USP48: variants seen among roughly 807,000 people sequenced by gnomAD.
The protein encoded by USP48 is ubiquitin specific peptidase 48, also known as ubiquitin carboxyl-terminal hydrolase 48.
Under a neutral mutation model 150.7 loss-of-function variants are expected in USP48, and 43 were observed. That is an observed-to-expected ratio of 0.29 (90% CI 0.22 to 0.37). The LOEUF is 0.37. Ranked by LOEUF, USP48 falls within the 10% of genes least tolerant of loss-of-function variation. The pLI, the probability that USP48 is intolerant of heterozygous loss-of-function variation, is 1.00. For missense variants in USP48, 813 were observed against 1,249.6 expected, an observed-to-expected ratio of 0.65 and a Z score of 5.27; for synonymous variants, 396 against 425.9, an observed-to-expected ratio of 0.93 and a Z score of 0.86.
intron 21 of USP48, 53 bp downstream of exon 21, chr1:21,703,459 G>T: frequency 6.9e-7 from 1 of 1,445,350 alleles, no homozygotes; most frequent in African/African-American, 1.4e-5. Flanking sequence ...AGCAAATCAA[G>T]CCAAAGAGCA....
chr1:21,779,313 G>C (rs1205687838), intron 1 of USP48, among the ~76,000 whole-genome samples: 1 of 152,070 alleles, frequency 6.6e-6, no homozygotes, highest in Non-Finnish European at 1.5e-5. Context: ...GGGAGGCCGA[G>C]GTAGGTGGAT....
At chr1:21,707,107 T>A (rs1480454824) in intron 15 of USP48, among the ~76,000 whole-genome samples, 2 of 152,022 alleles carry the variant, frequency 1.3e-5, no homozygotes, top group Non-Finnish European at 2.9e-5. Flanking sequence ...GGTCTGTGAT[T>A]GAAAAAAAAA....
At chr1:21,695,265 C>A in intron 22 of USP48, 44 bp from the exon 23 acceptor site, 1 of 1,530,732 alleles carries the variant, frequency 6.5e-7, no homozygotes. Context: ...AAATTAACCA[C>A]AATGTGACCC....
chr1:21,732,551 CAT>C (rs1430111292), intron 9 of USP48: 1 of 166,536 alleles, frequency 6.0e-6, no homozygotes, highest in Non-Finnish European at 1.3e-5. Flanking sequence ...AAATTTATAA[CAT>C]ACTTTCATGA....
At chr1:21,746,169 T>C (rs2097794065) in intron 8 of USP48, among the ~76,000 whole-genome samples, 1 of 152,216 alleles carries the variant, frequency 6.6e-6, no homozygotes, top group South Asian at 2.1e-4. Flanking sequence ...TTTTTATTTT[T>C]TTGGAAAGAG....
chr1:21,679,189 C>T lies in USP48; in HGVS notation c.*228G>A. The T allele has an allele frequency of 2.0e-6, 1 of 507,616 alleles. No homozygotes were observed. Among genetic ancestry groups the T allele is most frequent in the Non-Finnish European group, 3.6e-6 (1 of 281,022 alleles). 31.4% of individuals were successfully genotyped at this position (507,616 alleles called of 1,614,324 possible). A position where few individuals can be genotyped will look rare whatever the true frequency, so the allele number is the denominator to read the frequency against. ...ACTTGCCCCCTCCCACCCACCACCCCCCTTAAATATAAAATTGGAAACATT... is the reference window on the plus strand; with the variant it reads ...ACTTGCCCCCTCCCACCCACCACCCTCCTTAAATATAAAATTGGAAACATT... On this transcript the variant is annotated 3_prime_UTR_variant, in exon 27 of 27. Transcript: ENST00000308271.
intron 1 of USP48, among the ~76,000 whole-genome samples, chr1:21,770,214 C>A (rs755892338): frequency 1.5e-4 from 23 of 150,546 alleles, no homozygotes; most frequent in Non-Finnish European, 2.5e-4. Flanking sequence ...ACTGCTTACA[C>A]ATAAATTAAT....
At chr1:21,729,195 C>T (rs762343985) in intron 10 of USP48, among the ~76,000 whole-genome samples, 1 of 151,552 alleles carries the variant, frequency 6.6e-6, no homozygotes, top group African/African-American at 2.4e-5. Flanking sequence ...AGGCACAGAA[C>T]TGCTTAAACC....
intron 1 of USP48, among the ~76,000 whole-genome samples, chr1:21,770,629 C>T (rs1557611933): frequency 1.3e-5 from 2 of 151,336 alleles, no homozygotes; most frequent in Admixed American, 1.3e-4. Flanking sequence ...TACAGGCGCG[C>T]ACCACCATGC....
chr1:21,708,949 C>T (rs1217802215), intron 15 of USP48, among the ~76,000 whole-genome samples: 1 of 149,412 alleles, frequency 6.7e-6, no homozygotes, highest in East Asian at 2.0e-4. Context: ...TCATTCTGTC[C>T]CCTGGGCTGG....
chr1:21,738,071 T>C (rs1331798094), intron 8 of USP48, among the ~76,000 whole-genome samples: 1 of 151,944 alleles, frequency 6.6e-6, no homozygotes, highest in Non-Finnish European at 1.5e-5. Context: ...TATTTATTTA[T>C]TTTGAGATGG....
rs113301328 is a variant in USP48 at position 21,686,684 on chromosome 1, G to A, written c.3058+507C>T. 2.4e-3 allele frequency: 384 copies of A among 157,430 alleles called. 1 individual carries two copies. The highest frequency in any genetic ancestry group is 8.5e-3 in the African/African-American group (354 of 41,596). 9.8% of individuals were successfully genotyped at this position (157,430 alleles called of 1,614,324 possible). On this transcript the variant is annotated intron_variant, in intron 25 of 26. Transcript: ENST00000308271. ...TGGTCTCCTATTTGGTATAGGCTTCGTTCCCACCTTTCTAGTTTAATTTTT... is the reference window on the plus strand; with the variant it reads ...TGGTCTCCTATTTGGTATAGGCTTCATTCCCACCTTTCTAGTTTAATTTTT...
chr1:21,707,840 A>T (rs866298801), intron 15 of USP48, among the ~76,000 whole-genome samples: 3 of 152,244 alleles, frequency 2.0e-5, no homozygotes, highest in Non-Finnish European at 4.4e-5. Context: ...GGCAGAGTAC[A>T]GCTAGTGAGT....
At chr1:21,778,601 T>TA (rs35911894) in intron 1 of USP48, among the ~76,000 whole-genome samples, 53,654 of 88,810 alleles carry the variant, frequency 0.6, 16,810 homozygotes, top group East Asian at 0.7. Context: ...ACCCTCATCT[T>TA]AAAAAAAAAA....
chr1:21,704,368 C>G lies in USP48; in HGVS notation c.2409G>C (p.Glu803Asp). The G allele has an allele frequency of 6.2e-7, 1 of 1,613,400 alleles. No homozygotes were observed. The highest frequency in any genetic ancestry group is 8.5e-7 in the Non-Finnish European group (1 of 1,179,768). ...CAAAGAGCTTTTGTATCATTTGCCA[C>G]TCACTGGGCCATATGAGAGCTATAC... ...SKLIALIWPS[E>D]WQMIQKLFVV... The change falls in exon 20 of 27, where the codon GAG becomes GAC. Residue 803 changes from glutamate (E) to aspartate (D), a missense_variant. Transcript: ENST00000308271.
At chr1:21,715,307 T>TA in intron 15 of USP48, 82 bp downstream of exon 15, 1 of 1,064,578 alleles carries the variant, frequency 9.4e-7, no homozygotes, top group South Asian at 1.5e-5. Flanking sequence ...ATGTGAGAGA[T>TA]ACTGGCATGA....
At chr1:21,690,206 AGAGTAC>A in intron 23 of USP48, 107 bp from the exon 24 acceptor site, 14 of 1,299,198 alleles carry the variant, frequency 1.1e-5, no homozygotes, top group Non-Finnish European at 1.4e-5. Context: ...AAAAGGCTTC[AGAGTAC>A]AAAACCACTA....
chr1:21,682,480 A>G (rs1382974423), intron 25 of USP48, among the ~76,000 whole-genome samples: 3 of 150,156 alleles, frequency 2.0e-5, no homozygotes, highest in Non-Finnish European at 4.4e-5. Context: ...GTTATTTTCC[A>G]GCTTTCTTAT....
intron 1 of USP48, among the ~76,000 whole-genome samples, chr1:21,761,805 C>T (rs75658781): frequency 3.3e-5 from 5 of 152,030 alleles, no homozygotes; most frequent in South Asian, 2.1e-4. Flanking sequence ...AAAACAAGTT[C>T]GACCAATTTA....
Sources: allele counts gnomAD v4.1 joint callset (sites outside exome capture counted in the v4.1 genomes callset), GRCh38; gene constraint gnomAD v4.1.1; transcripts MANE v1.5; gene names NCBI Gene and HGNC (gene_info 2026-07-23, HGNC 2026-07-21).